The following SHQ1 variants were observed in gnomAD, a reference collection of about 807,000 sequenced individuals.
SHQ1 encodes SHQ1, H/ACA ribonucleoprotein assembly factor.
Under a neutral mutation model 53.8 loss-of-function variants are expected in SHQ1, and 49 were observed. The ratio of observed to expected loss-of-function variants is 0.91; its 90% CI spans 0.72 to 1.16. SHQ1 has a LOEUF of 1.16. Among genes scored for constraint, SHQ1 ranks in the 50% most tolerant of loss-of-function variants. The probability of loss-of-function intolerance (pLI) is 0.00; values close to 1 mark genes in which losing one functional copy is unlikely to be tolerated. For missense variants in SHQ1, 738 were observed against 683.1 expected, an observed-to-expected ratio of 1.08 and a Z score of -0.90; for synonymous variants, 243 against 251.0, an observed-to-expected ratio of 0.97 and a Z score of 0.30.
chr3:72,765,557 A>ATATATATATATATATATATATATTTTTTT (rs1491527508), intron 10 of SHQ1, among the ~76,000 whole-genome samples: 1 of 57,188 alleles, frequency 1.7e-5, no homozygotes, highest in African/African-American at 7.9e-5. Flanking sequence ...ATATATATAT[A>ATATATATATATATATATATATATTTTTTT]TTTTTTTTTT....
chr3:72,767,419 T>A (rs1705752566), intron 10 of SHQ1, among the ~76,000 whole-genome samples: 1 of 152,186 alleles, frequency 6.6e-6, no homozygotes, highest in African/African-American at 2.4e-5. Flanking sequence ...GAAGATGACA[T>A]TTGCCAGCAG....
At chr3:72,821,273 A>G (rs1176966801) in intron 6 of SHQ1, among the ~76,000 whole-genome samples, 2 of 152,198 alleles carry the variant, frequency 1.3e-5, no homozygotes, top group Admixed American at 6.5e-5. Context: ...TTGACTATAA[A>G]TGTTACGTGG....
intron 10 of SHQ1, 70 bp downstream of exon 10, chr3:72,792,846 C>G: frequency 8.6e-7 from 1 of 1,161,368 alleles, no homozygotes; most frequent in Non-Finnish European, 1.2e-6. Context: ...CGTTTTCTTC[C>G]TCCTGGGTAA....
intron 10 of SHQ1, among the ~76,000 whole-genome samples, chr3:72,752,639 G>C (rs952154980): frequency 6.6e-6 from 1 of 151,802 alleles, no homozygotes; most frequent in African/African-American, 2.4e-5. Context: ...TGATTCTCCT[G>C]CCTCAGCATC....
chr3:72,799,795 TTTA>T (rs748431866), intron 9 of SHQ1, among the ~76,000 whole-genome samples: 15 of 152,198 alleles, frequency 9.9e-5, no homozygotes, highest in Non-Finnish European at 1.9e-4. Context: ...ACATGTACTT[TTTA>T]TATGTCCCCT....
chr3:72,815,672 A>G (rs762907179), intron 7 of SHQ1, among the ~76,000 whole-genome samples: 8 of 152,214 alleles, frequency 5.3e-5, no homozygotes, highest in Non-Finnish European at 1.2e-4. Flanking sequence ...GGGGTTTTGA[A>G]ACTAAAAGTT....
intron 10 of SHQ1, among the ~76,000 whole-genome samples, chr3:72,787,759 T>C (rs1706283357): frequency 6.7e-6 from 1 of 150,014 alleles, no homozygotes; most frequent in Admixed American, 6.6e-5. Flanking sequence ...CTCCCTCTGA[T>C]GCCGAGCGGA....
chr3:72,753,230 A>G (rs1705427252), intron 10 of SHQ1: 1 of 985,310 alleles, frequency 1.0e-6, no homozygotes, highest in African/African-American at 1.7e-5. Context: ...TTAAATGAAC[A>G]TACAAAACAT....
At chr3:72,728,205 C>G in the SHQ1 span, among the ~76,000 whole-genome samples, 7 of 152,224 alleles carry the variant, frequency 4.6e-5, no homozygotes, top group Non-Finnish European at 1.0e-4. Context: ...GCCTCGGAGT[C>G]TGCTTCCAGG....
the SHQ1 span, among the ~76,000 whole-genome samples, chr3:72,733,719 C>T: frequency 6.6e-6 from 1 of 151,670 alleles, no homozygotes; most frequent in Non-Finnish European, 1.5e-5. Flanking sequence ...AAATCCCAAC[C>T]TGCCTTCAAA....
At chr3:72,804,979 T>C (rs1457005151) in intron 9 of SHQ1, among the ~76,000 whole-genome samples, 1 of 152,228 alleles carries the variant, frequency 6.6e-6, no homozygotes, top group Non-Finnish European at 1.5e-5. Flanking sequence ...TCACAGAATG[T>C]ACTTACACAA....
intron 10 of SHQ1, among the ~76,000 whole-genome samples, chr3:72,763,927 T>C (rs760795105): frequency 6.6e-6 from 1 of 151,496 alleles, no homozygotes; most frequent in Non-Finnish European, 1.5e-5. Context: ...GAAATGAATA[T>C]AGAAGAACAT....
intron 10 of SHQ1, among the ~76,000 whole-genome samples, chr3:72,770,200 T>C (rs1052606688): frequency 6.6e-6 from 1 of 152,222 alleles, no homozygotes; most frequent in Non-Finnish European, 1.5e-5. Context: ...TCTAAACAAA[T>C]TGCATGTGTT....
At chr3:72,760,274 G>T (rs930444280) in intron 10 of SHQ1, among the ~76,000 whole-genome samples, 1 of 152,192 alleles carries the variant, frequency 6.6e-6, no homozygotes, top group Non-Finnish European at 1.5e-5. Flanking sequence ...GAAAGATGCT[G>T]GGAAGGAAAT....
the SHQ1 span, among the ~76,000 whole-genome samples, chr3:72,729,304 A>G: frequency 4.6e-5 from 7 of 152,292 alleles, no homozygotes; most frequent in South Asian, 1.2e-3. Flanking sequence ...GAACTTAAGC[A>G]CAGACCCTGC....
chr3:72,749,173 TC>T (rs1705314303), downstream of SHQ1: 1 of 187,374 alleles, frequency 5.3e-6, no homozygotes, highest in African/African-American at 2.3e-5. Context: ...GGAGAACAGT[TC>T]AGCATTTTCT....
chr3:72,766,421 A>G (rs1705732429), intron 10 of SHQ1, among the ~76,000 whole-genome samples: 1 of 152,068 alleles, frequency 6.6e-6, no homozygotes, highest in East Asian at 1.9e-4. Flanking sequence ...ATACTACACC[A>G]CTGCTGCCTG....
rs115833634 is a variant in SHQ1, at chr3:72,822,724, A to T, written c.727+1700T>A. Among the ~76,000 whole-genome samples, 1,373 of 152,326 alleles carry T rather than the reference A, an allele frequency of 9.0e-3. 16 individuals carry two copies. Among genetic ancestry groups the T allele is most frequent in the African/African-American group, 0.032 (1,325 of 41,566 alleles). ...ATCTACCTAGCATGTACAATTAACT[A>T]TCTATATTCTGTTAGCAATCCTAAA... On this transcript the variant is annotated intron_variant, in intron 6 of 10. Transcript: ENST00000325599.
At position 72,750,105 on chromosome 3, in the gene SHQ1, C is replaced by T. The variant is rs1705332046; in HGVS notation, c.*179G>A. 3 of 599,692 alleles carry T rather than the reference C, an allele frequency of 5.0e-6. No homozygotes were observed. Among genetic ancestry groups the T allele is most frequent in the Admixed American group, 3.3e-5 (1 of 30,714 alleles). The allele number at this position is 599,692 out of a possible 1,614,324, so 37.1% of individuals were successfully genotyped here. A position where few individuals can be genotyped will look rare whatever the true frequency, so the allele number is the denominator to read the frequency against. On this transcript the variant is annotated 3_prime_UTR_variant, in exon 11 of 11. Coordinates refer to ENST00000325599, the MANE Select transcript of SHQ1 (RefSeq NM_018130.3). ...AGTCTGTACATGTTTGGTACAGATG[C>T]GATTTTTTCTTCAATATTTTTGATC...
Sources: allele counts gnomAD v4.1 joint callset (sites outside exome capture counted in the v4.1 genomes callset), GRCh38; gene constraint gnomAD v4.1.1; transcripts MANE v1.5; gene names NCBI Gene and HGNC (gene_info 2026-07-23, HGNC 2026-07-21).